Variants in MYO1B observed in about 807,000 individuals in gnomAD.
MYO1B encodes the protein myosin IB.
A neutral mutation model predicts 159.7 loss-of-function variants in MYO1B; 72 were observed. The ratio of observed to expected loss-of-function variants is 0.45; its 90% confidence interval spans 0.37 to 0.55. MYO1B has a LOEUF of 0.55. MYO1B is among the 20% of genes least tolerant of loss of function. The pLI is 0.00. For synonymous variants in MYO1B, 468 were observed against 473.8 expected (o/e 0.99, Z 0.16); for missense variants, 1,062 against 1,364.8 (o/e 0.78, Z 3.50).
chr2:191,297,082 A>T (rs1689026120), intron 3 of MYO1B, among the ~76,000 whole-genome samples: 2 of 152,198 alleles, frequency 1.3e-5, no homozygotes, highest in South Asian at 4.1e-4. Context: ...ATTTATTCTT[A>T]TGTTACATTT....
chr2:191,311,373 C>G (rs1689993536), intron 3 of MYO1B, among the ~76,000 whole-genome samples: 1 of 152,162 alleles, frequency 6.6e-6, no homozygotes, highest in Admixed American at 6.5e-5. Flanking sequence ...TCATAGGTTA[C>G]CTGCGGAAGG....
intron 11 of MYO1B, among the ~76,000 whole-genome samples, chr2:191,368,512 ACTTTCTTCGGC>A (rs1044187075): frequency 6.6e-6 from 1 of 152,126 alleles, no homozygotes; most frequent in African/African-American, 2.4e-5. Context: ...TCCAAACCTG[ACTTTCTTCGGC>A]CTTTGGATTC....
chr2:191,321,118 A>C (rs998123128), intron 3 of MYO1B, among the ~76,000 whole-genome samples: 3 of 152,212 alleles, frequency 2.0e-5, no homozygotes, highest in African/African-American at 7.2e-5. Flanking sequence ...ACTTTAGATC[A>C]GAATGTGTTT....
At position 191,390,435 on chromosome 2, in the gene MYO1B, T is replaced by G; in HGVS notation, c.1925T>G (p.Leu642Arg). ...TTCAGGCAGGCCTATGAACCTTGCC[T>G]AGAAAGATACAAAATGCTTTGTAAA... ...YAFRQAYEPCLERYKMLCKQT... is the reference protein window; with the variant it reads ...YAFRQAYEPCRERYKMLCKQT... Residue 642 changes from leucine (L) to arginine (R), a missense_variant, in exon 18 of 31, where the codon CTA becomes CGA. Around this residue, in one of 5 missense-constraint regions of MYO1B, gnomAD observed 609 missense variants for 744.4 expected, o/e 0.82. Coordinates refer to ENST00000392318, the MANE Select transcript of MYO1B (RefSeq NM_001130158.3). 6.2e-7 allele frequency: 1 copy of G among 1,614,200 alleles called. No individual in the cohort carries two copies. The highest frequency in any genetic ancestry group is 8.5e-7 in the Non-Finnish European group (1 of 1,180,020).
chr2:191,280,466 G>C (rs1005067767), intron 2 of MYO1B, among the ~76,000 whole-genome samples: 1 of 152,198 alleles, frequency 6.6e-6, no homozygotes, highest in Non-Finnish European at 1.5e-5. Context: ...TAGCAAACCA[G>C]CTGCAGCATT....
In MYO1B at chr2:191,310,498, C is replaced by T. The variant is rs375723532; in HGVS notation, c.251+14272C>T. On this transcript the variant is annotated intron_variant, in intron 3 of 30. Coordinates refer to ENST00000392318, the MANE Select transcript of MYO1B (RefSeq NM_001130158.3). ...GATTACAGGCATGAGCCACCACGCCCGACCTGAAGAAGGAATTCTTGAAGT... is the reference window on the plus strand; with the variant it reads ...GATTACAGGCATGAGCCACCACGCCTGACCTGAAGAAGGAATTCTTGAAGT... Among the ~76,000 whole-genome samples, 38 of 152,244 alleles carry T rather than the reference C, an allele frequency of 2.5e-4. No individual in the cohort carries two copies. In the South Asian group the frequency reaches 2.9e-3, roughly 12 times the overall value.
rs1693823346 is a variant in MYO1B, at chr2:191,363,713, T to C, written c.766-15T>C. ...TATAAGAAAAAAATAGTTGCTTTTTTTTTTCTCTCCCCAGAATGCCATGCA... is the reference window on the plus strand; with the variant it reads ...TATAAGAAAAAAATAGTTGCTTTTTCTTTTCTCTCCCCAGAATGCCATGCA... On this transcript the variant is annotated splice_polypyrimidine_tract_variant and intron_variant, in intron 9 of 30. Coordinates refer to ENST00000392318, the MANE Select transcript of MYO1B (RefSeq NM_001130158.3). The C allele has an allele frequency of 1.9e-6, 3 of 1,572,070 alleles. No individual in the cohort carries two copies. Among genetic ancestry groups the C allele is most frequent in the African/African-American group, 2.8e-5 (2 of 72,146 alleles).
At chr2:191,308,949 G>A (rs1238528466) in intron 3 of MYO1B, among the ~76,000 whole-genome samples, 1 of 152,052 alleles carries the variant, frequency 6.6e-6, no homozygotes, top group African/African-American at 2.4e-5. Flanking sequence ...CCGCATTCCC[G>A]TGGCAAGTCC....
chr2:191,351,141 C>T (rs1298444590), intron 7 of MYO1B, among the ~76,000 whole-genome samples: 2 of 151,598 alleles, frequency 1.3e-5, no homozygotes, highest in South Asian at 2.1e-4. Flanking sequence ...CTCACCATCC[C>T]ATGGTGCTAT....
chr2:191,398,270 C>T (rs1345183734), intron 21 of MYO1B, among the ~76,000 whole-genome samples: 26 of 88,048 alleles, frequency 3.0e-4, no homozygotes, highest in East Asian at 6.0e-4. Flanking sequence ...CCCTCCCGGA[C>T]GGGGCGGCTG....
chr2:191,352,163 A>G (rs1692967375), intron 7 of MYO1B, among the ~76,000 whole-genome samples: 1 of 152,028 alleles, frequency 6.6e-6, no homozygotes, highest in Non-Finnish European at 1.5e-5. Context: ...TGTTAGGAAG[A>G]CTCTTTTTAC....
rs1027502542 is a variant in MYO1B, at chr2:191,407,927, A to G, written c.2557-188A>G. ...ATTCATGCTGGTTTCATCATTTTAC[A>G]TTTCTTAATTTCTTTCTCTCTGACT... is the stretch of plus-strand genomic sequence containing the variant. On this transcript the variant is annotated intron_variant, in intron 24 of 30. Coordinates refer to ENST00000392318, the MANE Select transcript of MYO1B (RefSeq NM_001130158.3). The G allele has an allele frequency of 2.4e-5, 10 of 412,582 alleles. 1 individual carries two copies. In the East Asian group the frequency reaches 3.6e-4, roughly 15 times the overall value. 25.6% of individuals were successfully genotyped at this position (412,582 alleles called of 1,614,324 possible). A position where few individuals can be genotyped will look rare whatever the true frequency, so the allele number is the denominator to read the frequency against.
rs116227543 is a variant in MYO1B, at chr2:191,276,508, G to A, written c.-9-379G>A. 4.7e-3 allele frequency among the ~76,000 whole-genome samples: 713 copies of A among 152,298 alleles called. 2 individuals carry two copies. Among genetic ancestry groups the A allele is most frequent in the Non-Finnish European group, 7.1e-3 (486 of 68,016 alleles). On this transcript the variant is annotated intron_variant, in intron 1 of 30. Coordinates refer to ENST00000392318, the MANE Select transcript of MYO1B (RefSeq NM_001130158.3). ...TTTTTTATCATCTTCGAGGAAGCAG[G>A]TTCATATAGTCTGACATTGGTACAC...
intron 18 of MYO1B, among the ~76,000 whole-genome samples, 175 bp downstream of exon 18, chr2:191,390,667 C>G (rs1695691699): frequency 6.6e-6 from 1 of 152,214 alleles, no homozygotes; most frequent in Non-Finnish European, 1.5e-5. Context: ...ATAAGACTTA[C>G]CAAATCCACA....
intron 7 of MYO1B, among the ~76,000 whole-genome samples, chr2:191,359,016 C>T (rs538381992): frequency 6.6e-6 from 1 of 152,184 alleles, no homozygotes; most frequent in Non-Finnish European, 1.5e-5. Flanking sequence ...TGTAATCAAG[C>T]CACTTTCTTC....
At chr2:191,335,039 C>G (rs1691738118) in intron 4 of MYO1B, among the ~76,000 whole-genome samples, 1 of 152,098 alleles carries the variant, frequency 6.6e-6, no homozygotes, top group African/African-American at 2.4e-5. Context: ...AGAAGTCACT[C>G]AAAGCATTTG....
chr2:191,377,032 T>G (rs1694753052), intron 13 of MYO1B, among the ~76,000 whole-genome samples: 1 of 152,182 alleles, frequency 6.6e-6, no homozygotes, highest in African/African-American at 2.4e-5. Flanking sequence ...GCTTTGTTTT[T>G]TTGTTGTTGT....
chr2:191,359,172 C>T (rs1043316866), intron 7 of MYO1B, among the ~76,000 whole-genome samples: 1 of 152,130 alleles, frequency 6.6e-6, no homozygotes. Context: ...TTTAACATTA[C>T]TTATTTAGTC....
chr2:191,353,981 G>C (rs10190981), intron 7 of MYO1B, among the ~76,000 whole-genome samples: 9,823 of 152,176 alleles, frequency 0.065, 1,051 homozygotes, highest in African/African-American at 0.23. Flanking sequence ...ACATAGGCTG[G>C]GTGCCATGGC....
Sources: allele counts gnomAD v4.1 joint callset (sites outside exome capture counted in the v4.1 genomes callset), GRCh38; gene constraint gnomAD v4.1.1; regional missense constraint gnomAD v4.1.1; transcripts MANE v1.5; gene names NCBI Gene and HGNC (gene_info 2026-07-23, HGNC 2026-07-21).